FSIP1: variants seen among roughly 807,000 people sequenced by gnomAD.
FSIP1 encodes the protein fibrous sheath interacting protein 1.
A neutral mutation model predicts 60.9 loss-of-function variants in FSIP1; 65 were observed. The observed-to-expected ratio is 1.07, with a 90% CI of 0.87 to 1.31. The LOEUF is 1.31. FSIP1 is among the 40% of genes most tolerant of loss of function. FSIP1 has a pLI of 0.00. For missense variants in FSIP1, 675 were observed against 665.5 expected (o/e 1.01, Z -0.16); for synonymous variants, 209 against 221.2 (o/e 0.94, Z 0.49).
rs1897014968 is a variant in FSIP1, at chr15:39,746,941, T to C, written c.560-5041A>G. ...TACACTCATTGCCTCACCTAACATG[T>C]ACATCACTAGACACATTAGTGATTT... is the stretch of plus-strand genomic sequence containing the variant. On this transcript the variant is annotated intron_variant, in intron 5 of 11. Coordinates refer to ENST00000350221, the MANE Select transcript of FSIP1 (RefSeq NM_152597.5). Among the ~76,000 whole-genome samples, 2 of 152,162 alleles carry C rather than the reference T, an allele frequency of 1.3e-5. 1 individual carries two copies. Among genetic ancestry groups the C allele is most frequent in the South Asian group, 4.1e-4 (2 of 4,834 alleles).
chr15:39,726,116 A>G (rs1459739971), intron 9 of FSIP1, among the ~76,000 whole-genome samples: 6 of 152,148 alleles, frequency 3.9e-5, no homozygotes, highest in Non-Finnish European at 8.8e-5. Flanking sequence ...TGAGGGAACT[A>G]CTGAGAGAAG....
intron 10 of FSIP1, among the ~76,000 whole-genome samples, chr15:39,648,057 T>C (rs1240095948): frequency 4.0e-5 from 6 of 151,548 alleles, no homozygotes; most frequent in African/African-American, 1.5e-4. Flanking sequence ...TTGGGAGATA[T>C]ACCTAAGGCT....
intron 11 of FSIP1, among the ~76,000 whole-genome samples, chr15:39,613,605 C>A (rs903008796): frequency 6.6e-6 from 1 of 152,050 alleles, no homozygotes; most frequent in African/African-American, 2.4e-5. Flanking sequence ...ACTCATTTTA[C>A]AAGACCAGCA....
intron 10 of FSIP1, among the ~76,000 whole-genome samples, chr15:39,640,725 G>T (rs72725096): frequency 0.2 from 25,528 of 125,616 alleles, 2,689 homozygotes; most frequent in East Asian, 0.35. Context: ...AAGATTTACA[G>T]ACAAAAAAAA....
At chr15:39,743,464 T>C (rs1463709736) in intron 5 of FSIP1, among the ~76,000 whole-genome samples, 2 of 152,126 alleles carry the variant, frequency 1.3e-5, no homozygotes, top group African/African-American at 2.4e-5. Context: ...GAATTCCACA[T>C]CTCCCTTTAG....
At chr15:39,615,600 G>A (rs1169520395) in intron 11 of FSIP1, among the ~76,000 whole-genome samples, 1 of 151,744 alleles carries the variant, frequency 6.6e-6, no homozygotes, top group Admixed American at 6.6e-5. Flanking sequence ...ATCAAAAGAT[G>A]AAAGAGACTG....
At chr15:39,634,046 T>A (rs1448620902) in intron 10 of FSIP1, among the ~76,000 whole-genome samples, 1 of 152,166 alleles carries the variant, frequency 6.6e-6, no homozygotes, top group African/African-American at 2.4e-5. Context: ...CTAAACGGAC[T>A]CCCTGTGCTC....
intron 10 of FSIP1, among the ~76,000 whole-genome samples, chr15:39,654,719 G>A (rs1893006049): frequency 6.6e-6 from 1 of 152,146 alleles, no homozygotes; most frequent in South Asian, 2.1e-4. Context: ...TAGTTCACAA[G>A]GACAACCACA....
chr15:39,747,649 C>T (rs1897042959), intron 5 of FSIP1, among the ~76,000 whole-genome samples: 1 of 152,094 alleles, frequency 6.6e-6, no homozygotes, highest in South Asian at 2.1e-4. Context: ...AATATGTAAT[C>T]CCTAGTTACT....
At chr15:39,633,327 A>G (rs1332296742) in intron 10 of FSIP1, among the ~76,000 whole-genome samples, 1 of 152,038 alleles carries the variant, frequency 6.6e-6, no homozygotes, top group East Asian at 1.9e-4. Context: ...TCACCTCGCA[A>G]TCTGCCTGCC....
intron 11 of FSIP1, among the ~76,000 whole-genome samples, chr15:39,615,403 C>T (rs1328051863): frequency 8.5e-6 from 1 of 117,572 alleles, no homozygotes; most frequent in Non-Finnish European, 1.8e-5. Context: ...GGAACTCAAA[C>T]AACTCAATAG....
chr15:39,630,964 G>A (rs963053291), intron 10 of FSIP1, among the ~76,000 whole-genome samples: 36 of 152,090 alleles, frequency 2.4e-4, no homozygotes, highest in African/African-American at 7.5e-4. Flanking sequence ...AGTGGGTGGC[G>A]GCTGCCCTCT....
intron 5 of FSIP1, among the ~76,000 whole-genome samples, chr15:39,746,798 G>C (rs2140659128): frequency 6.6e-6 from 1 of 151,858 alleles, no homozygotes; most frequent in African/African-American, 2.4e-5. Flanking sequence ...AATATAAAAA[G>C]ACAAGAGGAT....
intron 5 of FSIP1, among the ~76,000 whole-genome samples, chr15:39,743,014 A>G (rs1358613499): frequency 6.6e-6 from 1 of 152,188 alleles, no homozygotes; most frequent in Non-Finnish European, 1.5e-5. Flanking sequence ...TTCAATATTC[A>G]TTAAAAGTAG....
intron 10 of FSIP1, among the ~76,000 whole-genome samples, chr15:39,625,328 A>G (rs1891595293): frequency 6.6e-6 from 1 of 152,158 alleles, no homozygotes; most frequent in Admixed American, 6.5e-5. Flanking sequence ...AGGGATGAGC[A>G]TGGATCGAGG....
chr15:39,627,005 C>G (rs866220157), intron 10 of FSIP1, among the ~76,000 whole-genome samples: 2 of 151,666 alleles, frequency 1.3e-5, no homozygotes, highest in Non-Finnish European at 2.9e-5. Context: ...AGAGAACACT[C>G]AGCTAGGCCC....
At position 39,618,011 on chromosome 15, in the gene FSIP1, C is replaced by T; in HGVS notation, c.1423G>A (p.Glu475Lys). The change falls in exon 11 of 12, where the codon GAA becomes AAA. Residue 475 changes from glutamate (E) to lysine (K), a missense_variant. Coordinates refer to ENST00000350221, the MANE Select transcript of FSIP1 (RefSeq NM_152597.5). ...TAGTAGCCTTTAGAAGCTTCACATT[C>T]TTCACTCTCAAGCATATCTGCATCT... The part of the protein sequence containing the change: ...VEDADMLESE[E>K]CEASKGYYLT... 6.2e-7 allele frequency: 1 copy of T among 1,614,180 alleles called. No homozygotes were observed. The highest frequency in any genetic ancestry group is 8.5e-7 in the Non-Finnish European group (1 of 1,180,014).
intron 10 of FSIP1, among the ~76,000 whole-genome samples, chr15:39,621,157 G>T (rs1261478172): frequency 6.6e-6 from 1 of 151,936 alleles, no homozygotes; most frequent in Non-Finnish European, 1.5e-5. Flanking sequence ...CAAATTACTG[G>T]GGTCTTGGGG....
chr15:39,771,830 G>A (rs1476393301), intron 2 of FSIP1, among the ~76,000 whole-genome samples: 1 of 152,170 alleles, frequency 6.6e-6, no homozygotes, highest in Non-Finnish European at 1.5e-5. Context: ...GAAAAAGTCT[G>A]TAATTCCACA....
Sources: gnomAD v4.1 joint callset for allele counts (sites outside exome capture counted in the v4.1 genomes callset) on GRCh38, gnomAD v4.1.1 for gene constraint, MANE v1.5 for transcripts, NCBI Gene and HGNC (gene_info 2026-07-23, HGNC 2026-07-21) for gene names.